The following RGS20 variants were observed in gnomAD, a reference collection of about 807,000 sequenced individuals.
The protein encoded by RGS20 is regulator of G protein signaling 20, also known as gz-selective GTPase-activating protein.
In RGS20, 30 loss-of-function variants were observed where a neutral mutation model predicts 33.6. That is an observed-to-expected ratio of 0.89 (90% CI 0.67 to 1.21). RGS20 has a LOEUF of 1.21. RGS20 is among the 50% of genes most tolerant of loss of function. The pLI is 0.00. For synonymous variants in RGS20, 208 were observed against 197.9 expected, an observed-to-expected ratio of 1.05 and a Z score of -0.43; for missense variants, 472 against 502.4, an observed-to-expected ratio of 0.94 and a Z score of 0.58.
At position 53,879,569 on chromosome 8, in the gene RGS20, A is replaced by G; in HGVS notation, c.477A>G (p.Glu159=). 1 of 1,537,772 alleles carries G rather than the reference A, an allele frequency of 6.5e-7. No homozygotes were observed. The highest frequency in any genetic ancestry group is 8.8e-7 in the Non-Finnish European group (1 of 1,142,722). The change falls in exon 2 of 6, where the codon GAA becomes GAG. Residue 159 remains glutamate, a synonymous_variant. Coordinates refer to ENST00000297313, the MANE Select transcript of RGS20 (RefSeq NM_170587.4). ...ATCCGGTAGCCAAGCCCAGGGAAGA[A>G]GACGCCACCGCTGGGCAGAGCTCGC...
rs745947023 is a variant in RGS20 at position 53,939,645 on chromosome 8, G to C, written c.580G>C (p.Ala194Pro). The C allele has an allele frequency of 1.9e-6, 3 of 1,598,878 alleles. No individual in the cohort carries two copies. Among genetic ancestry groups the C allele is most frequent in the Non-Finnish European group, 1.7e-6 (2 of 1,173,828 alleles). The change falls in exon 3 of 6, where the codon GCC (alanine) becomes CCC (proline). Residue 194 changes from alanine to proline, a missense_variant. By Grantham distance (27) the Ala-to-Pro change is conservative (BLOSUM62 -1). Transcript: ENST00000297313. ...CGCCGCCCAGGACACACCAGGCGCC[G>C]CCCCAGGCCAGCCCGGAGCGGGGAG...
chr8:53,947,311 GTATA>G (rs1018691875), intron 4 of RGS20, among the ~76,000 whole-genome samples: 3 of 136,996 alleles, frequency 2.2e-5, no homozygotes. Flanking sequence ...ATAAGATATA[GTATA>G]TATATTATAT....
At chr8:53,864,435 A>C (rs918245285) in intron 1 of RGS20, among the ~76,000 whole-genome samples, 2 of 151,720 alleles carry the variant, frequency 1.3e-5, no homozygotes, top group Non-Finnish European at 1.5e-5. Flanking sequence ...TCCATGAAAA[A>C]AAAAAAAAAA....
At chr8:53,919,088 T>C (rs993738493) in intron 2 of RGS20, among the ~76,000 whole-genome samples, 6 of 152,242 alleles carry the variant, frequency 3.9e-5, no homozygotes, top group Admixed American at 1.3e-4. Context: ...TACTTTTATT[T>C]TACCCATCCT....
intron 1 of RGS20, among the ~76,000 whole-genome samples, chr8:53,872,591 T>C (rs980269534): frequency 2.0e-5 from 3 of 152,204 alleles, no homozygotes; most frequent in African/African-American, 7.2e-5. Context: ...CTTCCTCGTC[T>C]GGTTTCTGTT....
At chr8:53,881,125 G>A in intron 2 of RGS20, 41 bp downstream of exon 1, 1 of 1,433,864 alleles carries the variant, frequency 7.0e-7, no homozygotes, top group South Asian at 1.4e-5. Flanking sequence ...CTTCGTCTCG[G>A]GCTCGCCCTG....
chr8:53,943,283 T>C (rs938825869), intron 3 of RGS20, among the ~76,000 whole-genome samples: 10 of 152,174 alleles, frequency 6.6e-5, no homozygotes, highest in African/African-American at 2.4e-4. Flanking sequence ...ATATACATAG[T>C]CAAGTCAATT....
intron 2 of RGS20, among the ~76,000 whole-genome samples, chr8:53,898,177 G>GTGA (rs1002590862): frequency 4.6e-5 from 7 of 151,966 alleles, no homozygotes; most frequent in Non-Finnish European, 8.8e-5. Context: ...AGGAGTGGTG[G>GTGA]TGATGATGAT....
In RGS20 at chr8:53,933,484, T is replaced by C. The variant is rs563261894; in HGVS notation, c.511-6092T>C. Among the ~76,000 whole-genome samples the C allele has an allele frequency of 1.4e-3, 211 of 152,180 alleles. 1 individual carries two copies. Among genetic ancestry groups the C allele is most frequent in the Admixed American group, 4.7e-3 (72 of 15,278 alleles). On this transcript the variant is annotated intron_variant, in intron 2 of 5. Transcript: ENST00000297313. Reference sequence around the variant, plus strand: ...GCATACACAAGTATCAATAGCCGAATTGATCAAGTGGAAGAAAGGATATCA... The same window carrying C: ...GCATACACAAGTATCAATAGCCGAACTGATCAAGTGGAAGAAAGGATATCA...
chr8:53,937,361 A>T (rs1292780020), intron 2 of RGS20, among the ~76,000 whole-genome samples: 5 of 152,022 alleles, frequency 3.3e-5, no homozygotes, highest in African/African-American at 1.2e-4. Flanking sequence ...CCCCTTCCTT[A>T]CACCTTATAC....
chr8:53,910,206 A>G (rs936817562), intron 2 of RGS20, among the ~76,000 whole-genome samples: 2 of 152,188 alleles, frequency 1.3e-5, no homozygotes, highest in African/African-American at 4.8e-5. Context: ...AGCCAGCAAA[A>G]GTATAGATGC....
chr8:53,958,485 TAAAA>T lies in RGS20; in HGVS notation c.*28_*31del, dbSNP rs1326897069. ...ATTTTTCAAATATATTTATTATTAA[TAAAA>T]TAATAAAAGAATTCATGGGCTACAA... On this transcript the variant is annotated 3_prime_UTR_variant, in exon 6 of 6. Transcript: ENST00000297313. 8.2e-7 allele frequency: 1 copy of T among 1,225,046 alleles called. No individual in the cohort carries two copies. The highest frequency in any genetic ancestry group is 1.1e-6 in the Non-Finnish European group (1 of 934,912). The allele number at this position is 1,225,046 out of a possible 1,614,324, so 75.9% of individuals were successfully genotyped here.
intron 1 of RGS20, among the ~76,000 whole-genome samples, chr8:53,853,043 C>A (rs886163406): frequency 6.6e-6 from 1 of 152,294 alleles, no homozygotes. Context: ...AATTCCCACA[C>A]CGCCTATTAT....
intron 2 of RGS20, chr8:53,914,037 C>CTTTTTTTTTTTTTTTTTTT (rs35840682): frequency 1.5e-5 from 2 of 136,958 alleles, no homozygotes; most frequent in South Asian, 2.3e-4. Flanking sequence ...TCCAATCTCT[C>CTTTTTTTTTTTTTTTTTTT]TTTTTTTTTT....
chr8:53,935,496 A>G (rs1814104165), intron 2 of RGS20, among the ~76,000 whole-genome samples: 1 of 152,242 alleles, frequency 6.6e-6, no homozygotes, highest in Admixed American at 6.5e-5. Flanking sequence ...AATAAACTAG[A>G]AAATCTAGAA....
At position 53,958,487 on chromosome 8, in the gene RGS20, A is replaced by ATT; in HGVS notation, c.*29_*30insTT. The ATT allele has an allele frequency of 3.3e-6, 4 of 1,226,822 alleles. No individual in the cohort carries two copies. Among genetic ancestry groups the ATT allele is most frequent in the Non-Finnish European group, 4.3e-6 (4 of 936,408 alleles). The allele number at this position is 1,226,822 out of a possible 1,614,324, so 76.0% of individuals were successfully genotyped here. A position where few individuals can be genotyped will look rare whatever the true frequency, so the allele number is the denominator to read the frequency against. On this transcript the variant is annotated 3_prime_UTR_variant, in exon 6 of 6. Transcript: ENST00000297313. ...TTTTCAAATATATTTATTATTAATA[A>ATT]AATAATAAAAGAATTCATGGGCTAC... is the stretch of plus-strand genomic sequence containing the variant.
chr8:53,887,963 A>G (rs1481949812), intron 2 of RGS20, among the ~76,000 whole-genome samples: 1 of 151,486 alleles, frequency 6.6e-6, no homozygotes, highest in Non-Finnish European at 1.5e-5. Flanking sequence ...TGGGCAACAG[A>G]GTGAGACCCT....
intron 2 of RGS20, among the ~76,000 whole-genome samples, chr8:53,882,934 A>G (rs1271580666): frequency 1.3e-5 from 2 of 152,188 alleles, no homozygotes; most frequent in Middle Eastern, 3.2e-3. Flanking sequence ...AGTGGCTCCA[A>G]ACCGTGGAAT....
At chr8:53,919,029 A>T (rs1043640055) in intron 2 of RGS20, among the ~76,000 whole-genome samples, 5 of 152,244 alleles carry the variant, frequency 3.3e-5, no homozygotes, top group African/African-American at 2.4e-5. Flanking sequence ...ACATTCTCAC[A>T]TGTAGCATAT....
Sources: gnomAD v4.1 joint callset for allele counts (sites outside exome capture counted in the v4.1 genomes callset) on GRCh38, gnomAD v4.1.1 for gene constraint, MANE v1.5 for transcripts, NCBI Gene and HGNC (gene_info 2026-07-23, HGNC 2026-07-21) for gene names.